FAT3: variants seen among roughly 807,000 people sequenced by gnomAD.
FAT3 encodes FAT atypical cadherin 3.
Under a neutral mutation model 310.2 loss-of-function variants are expected in FAT3, and 95 were observed. The ratio of observed to expected loss-of-function variants is 0.31; its 90% CI spans 0.26 to 0.36. FAT3 has a LOEUF of 0.36. FAT3 is among the 10% of genes least tolerant of loss of function. FAT3 has a pLI of 1.00. For missense variants in FAT3, 5,408 were observed against 5,715.6 expected (o/e 0.95, Z 1.74); for synonymous variants, 2,314 against 2,192.9 (o/e 1.06, Z -1.54).
chr11:92,646,750 A>G (rs1223058254), intron 3 of FAT3, among the ~76,000 whole-genome samples: 1 of 152,188 alleles, frequency 6.6e-6, no homozygotes, highest in Admixed American at 6.5e-5. Context: ...ATTCCCAAAA[A>G]AGGAACATTT....
At chr11:92,687,547 G>C (rs1943667251) in intron 3 of FAT3, among the ~76,000 whole-genome samples, 1 of 152,082 alleles carries the variant, frequency 6.6e-6, no homozygotes, top group Non-Finnish European at 1.5e-5. Flanking sequence ...AGTTGTCTAG[G>C]GTGTGTGTTA....
intron 3 of FAT3, among the ~76,000 whole-genome samples, chr11:92,553,757 CTCTT>C (rs1286940129): frequency 8.0e-6 from 1 of 124,500 alleles, no homozygotes; most frequent in African/African-American, 2.8e-5. Flanking sequence ...CTTTCTCTCT[CTCTT>C]TCTCTCTTTC....
At chr11:92,878,219 G>C (rs1776790003) in intron 22 of FAT3, among the ~76,000 whole-genome samples, 1 of 152,126 alleles carries the variant, frequency 6.6e-6, no homozygotes, top group Non-Finnish European at 1.5e-5. Flanking sequence ...TTTATTCTAT[G>C]TTACAGTCTT....
At chr11:92,373,621 T>C (rs1351406392) in intron 2 of FAT3, among the ~76,000 whole-genome samples, 2 of 152,130 alleles carry the variant, frequency 1.3e-5, no homozygotes, top group East Asian at 3.9e-4. Flanking sequence ...TATACTGTTA[T>C]AATGAACGCG....
At chr11:92,653,782 T>G (rs1241833220) in intron 3 of FAT3, among the ~76,000 whole-genome samples, 2 of 152,218 alleles carry the variant, frequency 1.3e-5, no homozygotes, top group African/African-American at 4.8e-5. Context: ...TAGCATTAAT[T>G]CTTCAGTGAA....
intron 4 of FAT3, among the ~76,000 whole-genome samples, chr11:92,746,544 A>G (rs575361339): frequency 1.3e-5 from 2 of 152,164 alleles, no homozygotes; most frequent in Non-Finnish European, 2.9e-5. Context: ...CCCAAATCTC[A>G]TGTCCTCACA....
chr11:92,478,963 T>TTTCTTTC (rs761360516), intron 2 of FAT3, among the ~76,000 whole-genome samples: 10 of 132,156 alleles, frequency 7.6e-5, no homozygotes, highest in East Asian at 2.4e-4. Flanking sequence ...TTTTCTTTTC[T>TTTCTTTC]TTTCTTTTCT....
At chr11:92,348,759 AG>A (rs1391381803) in intron 1 of FAT3, among the ~76,000 whole-genome samples, 1 of 152,192 alleles carries the variant, frequency 6.6e-6, no homozygotes, top group Non-Finnish European at 1.5e-5. Context: ...CTGTAAACTC[AG>A]GAGATTGGAA....
At chr11:92,427,307 G>A (rs1157113151) in intron 2 of FAT3, among the ~76,000 whole-genome samples, 1 of 152,072 alleles carries the variant, frequency 6.6e-6, no homozygotes, top group Non-Finnish European at 1.5e-5. Flanking sequence ...ATACAATCCT[G>A]TCATCTGCAG....
chr11:92,701,745 C>T (rs188263575), intron 4 of FAT3, among the ~76,000 whole-genome samples: 5 of 152,238 alleles, frequency 3.3e-5, no homozygotes, highest in Admixed American at 6.5e-5. Flanking sequence ...AGTGAATTAA[C>T]GTTTTAGTTT....
At chr11:92,515,611 A>G (rs1485508256) in intron 2 of FAT3, among the ~76,000 whole-genome samples, 1 of 152,074 alleles carries the variant, frequency 6.6e-6, no homozygotes, top group Non-Finnish European at 1.5e-5. Context: ...AGAGAATTTT[A>G]TATTTACTGG....
At chr11:92,885,007 C>T (rs1417219038) in intron 24 of FAT3, among the ~76,000 whole-genome samples, 2 of 152,112 alleles carry the variant, frequency 1.3e-5, no homozygotes, top group African/African-American at 2.4e-5. Flanking sequence ...AAGGAGAGGA[C>T]CCTTGTGCAG....
intron 1 of FAT3, among the ~76,000 whole-genome samples, chr11:92,291,209 G>T (rs1466006062): frequency 6.6e-6 from 1 of 151,940 alleles, no homozygotes; most frequent in Non-Finnish European, 1.5e-5. Flanking sequence ...CCAGTACAAA[G>T]ATGTGTAGGC....
At position 92,883,327 on chromosome 11, in the gene FAT3, G is replaced by A. The variant is rs756553194; in HGVS notation, c.12871G>A (p.Ala4291Thr). 83 of 1,611,438 alleles carry A rather than the reference G, an allele frequency of 5.2e-5. 1 individual carries two copies. The highest frequency in any genetic ancestry group is 5.1e-4 in the South Asian group (46 of 91,004). Reference sequence around the variant, plus strand: ...GTGCAGTGTGGCCCCCAACCTCCCCGCCGTGTCACCCTGCCGCTCCGACTG... The same window carrying A: ...GTGCAGTGTGGCCCCCAACCTCCCCACCGTGTCACCCTGCCGCTCCGACTG... The part of the protein sequence containing the change: ...VVCSVAPNLP[A>T]VSPCRSDCDS... The change falls in exon 24 of 28, where the codon GCC (alanine) becomes ACC (threonine). Residue 4291 changes from alanine (A) to threonine (T), a missense_variant. By Grantham distance (58) the Ala-to-Thr change is moderately conservative. Coordinates refer to ENST00000525166, the MANE Select transcript of FAT3 (RefSeq NM_001367949.2). The surrounding 1 kb of genome is among the most constrained non-coding windows in gnomAD (Gnocchi z 4.2).
At chr11:92,756,604 TG>T (rs1167507721) in intron 4 of FAT3, among the ~76,000 whole-genome samples, 3 of 152,192 alleles carry the variant, frequency 2.0e-5, no homozygotes, top group Non-Finnish European at 2.9e-5. Context: ...TTGTAATCAC[TG>T]GGAACAAGGC....
chr11:92,294,904 A>G (rs1433847147), intron 1 of FAT3, among the ~76,000 whole-genome samples: 1 of 152,088 alleles, frequency 6.6e-6, no homozygotes, highest in African/African-American at 2.4e-5. Flanking sequence ...TCATTGAAAG[A>G]TTTAGTAGTG....
chr11:92,628,311 T>TTA (rs1941412061), intron 3 of FAT3, among the ~76,000 whole-genome samples: 1 of 152,222 alleles, frequency 6.6e-6, no homozygotes, highest in Admixed American at 6.5e-5. Flanking sequence ...TAAGGCCTTT[T>TTA]TATAATGTTA....
intron 2 of FAT3, among the ~76,000 whole-genome samples, chr11:92,391,314 AATAAGT>A: frequency 1.3e-5 from 2 of 152,236 alleles, no homozygotes; most frequent in Admixed American, 1.3e-4. Context: ...CAACCTTGCC[AATAAGT>A]ATAAGTCCCT....
At chr11:92,278,577 T>C (rs1946339655) in intron 1 of FAT3, among the ~76,000 whole-genome samples, 1 of 152,150 alleles carries the variant, frequency 6.6e-6, no homozygotes, top group African/African-American at 2.4e-5. Context: ...ATGTATTCTT[T>C]ATGAAGTATA....
Sources: gnomAD v4.1 joint callset for allele counts (sites outside exome capture counted in the v4.1 genomes callset) on GRCh38, gnomAD v4.1.1 for gene constraint, Gnocchi (gnomAD v3.1) non-coding constraint, MANE v1.5 for transcripts, NCBI Gene and HGNC (gene_info 2026-07-23, HGNC 2026-07-21) for gene names.